The following SLC24A2 variants were observed in gnomAD, a reference collection of about 807,000 sequenced individuals.
SLC24A2 encodes solute carrier family 24 member 2.
Under a neutral mutation model 62.0 loss-of-function variants are expected in SLC24A2, and 36 were observed. The observed-to-expected ratio is 0.58, with a 90% CI of 0.44 to 0.77. SLC24A2 has a LOEUF of 0.77. SLC24A2 is among the 30% of genes least tolerant of loss of function. SLC24A2 has a pLI of 0.00. For missense variants in SLC24A2, 846 were observed against 817.9 expected (o/e 1.03, Z -0.42); for synonymous variants, 358 against 294.0 (o/e 1.22, Z -2.23).
intron 2 of SLC24A2, among the ~76,000 whole-genome samples, chr9:19,707,704 A>C (rs900802419): frequency 1.3e-5 from 2 of 152,090 alleles, no homozygotes; most frequent in African/African-American, 2.4e-5. Flanking sequence ...AAATTCAACA[A>C]CCCTTCATGC....
chr9:19,596,724 G>C (rs1340677827), intron 5 of SLC24A2, among the ~76,000 whole-genome samples: 1 of 152,206 alleles, frequency 6.6e-6, no homozygotes, highest in East Asian at 1.9e-4. Context: ...AAACAATAGG[G>C]ACTGCAGGGA....
At chr9:19,705,848 T>C (rs7869636) in intron 2 of SLC24A2, among the ~76,000 whole-genome samples, 21,304 of 151,852 alleles carry the variant, frequency 0.14, 2,301 homozygotes, top group African/African-American at 0.31. Flanking sequence ...GAGCTTTACT[T>C]CCAACTATGT....
the SLC24A2 span, among the ~76,000 whole-genome samples, chr9:19,843,638 A>T: frequency 5.9e-4 from 90 of 152,156 alleles, no homozygotes; most frequent in African/African-American, 2.0e-3. Context: ...TAGTAAGCAC[A>T]GGGCCCAATA....
intron 8 of SLC24A2, among the ~76,000 whole-genome samples, chr9:19,539,041 G>A (rs559990063): frequency 0.2 from 18,170 of 88,918 alleles, 2,380 homozygotes; most frequent in Middle Eastern, 0.32. Context: ...CTGTGGGATC[G>A]GTGGTGATAT....
chr9:19,555,802 A>G (rs1017299889), intron 7 of SLC24A2, among the ~76,000 whole-genome samples: 1 of 152,014 alleles, frequency 6.6e-6, no homozygotes, highest in African/African-American at 2.4e-5. Flanking sequence ...AAAATTAGCT[A>G]GGTGTGATGA....
chr9:20,052,677 G>C, the SLC24A2 span, among the ~76,000 whole-genome samples: 1 of 152,044 alleles, frequency 6.6e-6, no homozygotes, highest in Admixed American at 6.6e-5. Context: ...TTCTCCAATT[G>C]TCATGCCCTG....
At chr9:20,030,311 C>T in the SLC24A2 span, among the ~76,000 whole-genome samples, 2 of 152,186 alleles carry the variant, frequency 1.3e-5, no homozygotes, top group African/African-American at 4.8e-5. Flanking sequence ...GTTCTGTGAT[C>T]ACCTGGGTGT....
the SLC24A2 span, among the ~76,000 whole-genome samples, chr9:19,994,395 C>T: frequency 2.0e-5 from 3 of 152,264 alleles, no homozygotes; most frequent in South Asian, 2.1e-4. Flanking sequence ...GAGTCCTGAC[C>T]AAGCTCTCAC....
At chr9:19,892,602 G>A in the SLC24A2 span, among the ~76,000 whole-genome samples, 12 of 152,202 alleles carry the variant, frequency 7.9e-5, no homozygotes, top group African/African-American at 2.4e-4. Flanking sequence ...AGTGACCTAA[G>A]GACTAGAGAA....
chr9:20,181,879 C>A, the SLC24A2 span, among the ~76,000 whole-genome samples: 8 of 152,178 alleles, frequency 5.3e-5, no homozygotes. Flanking sequence ...ATTTTGCAAT[C>A]TATCCATCTG....
In SLC24A2 at chr9:19,514,755, G is replaced by T. The variant is rs958920319; in HGVS notation, c.*1398C>A. On this transcript the variant is annotated 3_prime_UTR_variant, in exon 11 of 11. Transcript: ENST00000341998. ...AGGTCTTGATGGAAGAAGAGACATAGATGTTACAAGAACTTTAACCAAAGC... is the reference window on the plus strand; with the variant it reads ...AGGTCTTGATGGAAGAAGAGACATATATGTTACAAGAACTTTAACCAAAGC... 6 of 152,166 alleles carry T rather than the reference G, an allele frequency of 3.9e-5. No individual in the cohort carries two copies. The highest frequency in any genetic ancestry group is 8.8e-5 in the Non-Finnish European group (6 of 68,040). The allele number at this position is 152,166 out of a possible 1,614,324, so 9.4% of individuals were successfully genotyped here. A position where few individuals can be genotyped will look rare whatever the true frequency, so the allele number is the denominator to read the frequency against.
rs555744331 is a variant in SLC24A2, at chr9:19,723,478, G to C, written c.930+62459C>G. On this transcript the variant is annotated intron_variant, in intron 2 of 10. Coordinates refer to ENST00000341998, the MANE Select transcript of SLC24A2 (RefSeq NM_020344.4). ...CATATTCCATTTAATTTACAGTCAA[G>C]GTTCCCCACCAAACCGTCTTAAGCC... is the stretch of plus-strand genomic sequence containing the variant. 1.4e-4 allele frequency among the ~76,000 whole-genome samples: 21 copies of C among 152,210 alleles called. No individual in the cohort carries two copies. The East Asian group carries it at 3.7e-3, about 27-fold the overall frequency.
At chr9:19,520,092 G>GTAT (rs1833117324) in intron 10 of SLC24A2, among the ~76,000 whole-genome samples, 2 of 152,170 alleles carry the variant, frequency 1.3e-5, no homozygotes, top group African/African-American at 4.8e-5. Context: ...GTCATGGAAA[G>GTAT]GTGGAAGACA....
the SLC24A2 span, among the ~76,000 whole-genome samples, chr9:20,261,442 G>C: frequency 6.6e-6 from 1 of 152,080 alleles, no homozygotes; most frequent in Non-Finnish European, 1.5e-5. Context: ...AAGAGTGCCA[G>C]GGTCAGACTT....
chr9:19,782,997 A>C (rs1477560703), intron 2 of SLC24A2, among the ~76,000 whole-genome samples: 2 of 152,208 alleles, frequency 1.3e-5, no homozygotes, highest in Admixed American at 6.5e-5. Flanking sequence ...TAAAAGAAAT[A>C]ACAATAATAA....
chr9:19,960,820 C>T, the SLC24A2 span, among the ~76,000 whole-genome samples: 2 of 152,106 alleles, frequency 1.3e-5, no homozygotes, highest in African/African-American at 4.8e-5. Flanking sequence ...ACAGGGTTGT[C>T]GTGAGCATTA....
chr9:19,764,703 G>C (rs1822457815), intron 2 of SLC24A2, among the ~76,000 whole-genome samples: 1 of 152,184 alleles, frequency 6.6e-6, no homozygotes, highest in South Asian at 2.1e-4. Flanking sequence ...TTGCTGTGGA[G>C]TGTTTTACTT....
chr9:20,197,721 G>C, the SLC24A2 span, among the ~76,000 whole-genome samples: 2 of 151,996 alleles, frequency 1.3e-5, no homozygotes, highest in African/African-American at 4.8e-5. Context: ...CATGAGCCGA[G>C]CCAGGCCATA....
chr9:19,645,716 C>G (rs1004042424), intron 2 of SLC24A2, among the ~76,000 whole-genome samples: 3 of 152,178 alleles, frequency 2.0e-5, no homozygotes, highest in African/African-American at 7.2e-5. Flanking sequence ...ACACCCCACA[C>G]CGCAATCTTG....
Sources: gnomAD v4.1 joint callset for allele counts (sites outside exome capture counted in the v4.1 genomes callset) on GRCh38, gnomAD v4.1.1 for gene constraint, MANE v1.5 for transcripts, NCBI Gene and HGNC (gene_info 2026-07-23, HGNC 2026-07-21) for gene names.